Variants in DHX34 observed in about 807,000 individuals in gnomAD.
The protein encoded by DHX34 is probable ATP-dependent RNA helicase DHX34.
Under a neutral mutation model 111.1 loss-of-function variants are expected in DHX34, and 96 were observed. The ratio of observed to expected loss-of-function variants is 0.86; its 90% confidence interval spans 0.73 to 1.02. The LOEUF is 1.02. Ranked by LOEUF, DHX34 falls within the 50% of genes least tolerant of loss-of-function variation. The pLI is 0.00. For synonymous variants in DHX34, 688 were observed against 670.4 expected, an observed-to-expected ratio of 1.03 and a Z score of -0.41; for missense variants, 1,560 against 1,579.9, an observed-to-expected ratio of 0.99 and a Z score of 0.21.
chr19:47,379,080 GATTGCGCCATTGCATTCCA>G (rs1970262380), intron 13 of DHX34, among the ~76,000 whole-genome samples: 1 of 151,874 alleles, frequency 6.6e-6, no homozygotes. Flanking sequence ...AGTGAGCCAA[GATTGCGCCATTGCATTCCA>G]GCCTGGGCAA....
rs556613844 is a variant in DHX34 at position 47,367,171 on chromosome 19, C to T, written c.1768+16C>T. 44 of 1,466,976 alleles carry T rather than the reference C, an allele frequency of 3.0e-5. No individual in the cohort carries two copies. The Middle Eastern group carries it at 6.0e-4, about 20-fold the overall frequency. 90.9% of individuals were successfully genotyped at this position (1,466,976 alleles called of 1,614,324 possible). On this transcript the variant is annotated intron_variant, in intron 7 of 16. Coordinates refer to ENST00000328771, the MANE Select transcript of DHX34 (RefSeq NM_014681.6). ...GTTGTGATTGGTGAGTACCCACCCCCCTCCTGATCACTCAGGGCCCCAGGA... is the reference window on the plus strand; with the variant it reads ...GTTGTGATTGGTGAGTACCCACCCCTCTCCTGATCACTCAGGGCCCCAGGA...
In DHX34 at chr19:47,373,044, C is replaced by A. The variant is rs540917624; in HGVS notation, c.1962+121C>A. The A allele has an allele frequency of 2.3e-5, 30 of 1,309,064 alleles. No individual in the cohort carries two copies. In the South Asian group the frequency reaches 4.5e-4, roughly 20 times the overall value. The allele number at this position is 1,309,064 out of a possible 1,614,324, so 81.1% of individuals were successfully genotyped here. ...ACCCTGGGAGGACCACTGAGCCCCC[C>A]ACAGACTGGGCCTGCCTGGGGAGGG... On this transcript the variant is annotated intron_variant, in intron 8 of 16. Transcript: ENST00000328771.
chr19:47,362,314 A>C (rs1439482741), intron 5 of DHX34, 162 bp from the exon 6 acceptor site: 11 of 969,838 alleles, frequency 1.1e-5, no homozygotes, highest in Non-Finnish European at 1.3e-5. Flanking sequence ...ATGAAAGAAT[A>C]AATGAACAAA....
intron 12 of DHX34, 40 bp from the exon 13 acceptor site, chr19:47,377,060 G>A: frequency 6.2e-7 from 1 of 1,612,682 alleles, no homozygotes; most frequent in Non-Finnish European, 8.5e-7. Flanking sequence ...GGGCCTGGGT[G>A]GGCCAGGGTG....
chr19:47,362,473 C>T lies in DHX34; in HGVS notation c.1376-3C>T. On this transcript the variant is annotated splice_region_variant and splice_polypyrimidine_tract_variant and intron_variant, in intron 5 of 16. Transcript: ENST00000328771. ...ACTCCCTTTCCTCATTGCTCCCATC[C>T]AGGAAAGGTGAAGGAGATGAGCTAC... is the stretch of plus-strand genomic sequence containing the variant. 1 of 1,566,284 alleles carries T rather than the reference C, an allele frequency of 6.4e-7. No individual in the cohort carries two copies. The highest frequency in any genetic ancestry group is 8.7e-7 in the Non-Finnish European group (1 of 1,153,264).
chr19:47,377,734 G>A (rs181174471), intron 13 of DHX34, among the ~76,000 whole-genome samples: 5 of 142,464 alleles, frequency 3.5e-5, no homozygotes, highest in South Asian at 2.2e-4. Context: ...CCAGAGAGGC[G>A]AGGGAGACAG....
In DHX34 at chr19:47,358,094, G is replaced by A. The variant is rs146802153; in HGVS notation, c.1246G>A (p.Ala416Thr). ...CTGGGTGGTACTGCCACTGCACAGC[G>A]CCCTGTCTGTGGCCGACCAGGACAA... ...QRWVVLPLHS[A>T]LSVADQDKVF... The change falls in exon 4 of 17, where the codon GCC becomes ACC. Residue 416 changes from alanine to threonine, a missense_variant. Physicochemically the swap from Ala to Thr is moderately conservative, Grantham distance 58. Coordinates refer to ENST00000328771, the MANE Select transcript of DHX34 (RefSeq NM_014681.6). 701 of 1,609,792 alleles carry A rather than the reference G, an allele frequency of 4.4e-4. 2 individuals are homozygous for A. In the African/African-American group the frequency reaches 6.8e-3, roughly 16 times the overall value.
chr19:47,373,398 A>G (rs1970031666), intron 8 of DHX34: 1 of 854,226 alleles, frequency 1.2e-6, no homozygotes, highest in African/African-American at 1.8e-5. Flanking sequence ...GGGGGCTGGG[A>G]CAACCCAGCG....
chr19:47,371,482 G>T (rs1322271647), intron 7 of DHX34, among the ~76,000 whole-genome samples: 1 of 152,212 alleles, frequency 6.6e-6, no homozygotes, highest in Non-Finnish European at 1.5e-5. Context: ...TCACGGCGAG[G>T]TGGGGCCACT....
chr19:47,381,330 C>T lies in DHX34; in HGVS notation c.3298+6C>T. 2 of 1,611,858 alleles carry T rather than the reference C, an allele frequency of 1.2e-6. No homozygotes were observed. Among genetic ancestry groups the T allele is most frequent in the Non-Finnish European group, 1.7e-6 (2 of 1,178,702 alleles). On this transcript the variant is annotated splice_donor_region_variant and intron_variant, in intron 16 of 16. Transcript: ENST00000328771. ...CCCACAGGATGGGCCCCCAGGTAAG[C>T]ACAGGACTGTGGGGACCCGGCCACC...
chr19:47,375,884 T>A, intron 10 of DHX34, 40 bp from the exon 11 acceptor site: 1 of 1,555,662 alleles, frequency 6.4e-7, no homozygotes, highest in Non-Finnish European at 8.7e-7. Context: ...TAGGAGCCCC[T>A]CAGGTCCCCT....
rs762513967 is a variant in DHX34 at position 47,382,025 on chromosome 19, T to C, written c.3344T>C (p.Leu1115Pro). 1.8e-5 allele frequency: 29 copies of C among 1,613,994 alleles called. No individual in the cohort carries two copies. The East Asian group carries it at 6.5e-4, about 36-fold the overall frequency. ...GAAACCCTCCAGAAGACATCTGTCC[T>C]GCAGAGGCCCTACCACTGCGAGGCC... ...ALETLQKTSV[L>P]QRPYHCEACG... The change falls in exon 17 of 17, where the codon CTG (leucine) becomes CCG (proline). Residue 1115 changes from leucine to proline, a missense_variant. By Grantham distance (98) the Leu-to-Pro change is moderately conservative. Coordinates refer to ENST00000328771, the MANE Select transcript of DHX34 (RefSeq NM_014681.6).
chr19:47,351,992 C>T (rs1969301585), intron 1 of DHX34, among the ~76,000 whole-genome samples: 1 of 152,236 alleles, frequency 6.6e-6, no homozygotes, highest in Admixed American at 6.5e-5. Context: ...TCTCAATGTT[C>T]TGAATCTCAC....
chr19:47,382,231 T>A lies in DHX34; in HGVS notation c.*118T>A. ...GCTTAGCCCTGTGGTCCTGTCCCAGTGCAGAGGGCCTGGAGCACGGATTGT... is the reference window on the plus strand; with the variant it reads ...GCTTAGCCCTGTGGTCCTGTCCCAGAGCAGAGGGCCTGGAGCACGGATTGT... On this transcript the variant is annotated 3_prime_UTR_variant, in exon 17 of 17. Transcript: ENST00000328771. The A allele has an allele frequency of 6.8e-7, 1 of 1,478,396 alleles. No homozygotes were observed. The highest frequency in any genetic ancestry group is 9.0e-7 in the Non-Finnish European group (1 of 1,114,552). 91.6% of individuals were successfully genotyped at this position (1,478,396 alleles called of 1,614,324 possible). A position where few individuals can be genotyped will look rare whatever the true frequency, so the allele number is the denominator to read the frequency against.
At position 47,377,828 on chromosome 19, in the gene DHX34, C is replaced by T. The variant is rs576801484; in HGVS notation, c.2706+622C>T. On this transcript the variant is annotated intron_variant, in intron 13 of 16. Coordinates refer to ENST00000328771, the MANE Select transcript of DHX34 (RefSeq NM_014681.6). ...CAGGAGGGAGAGGAGGGTGCTGCCC[C>T]GGTGGAGGCTGAGGCCGAACTCAGA... is the stretch of plus-strand genomic sequence containing the variant. Among the ~76,000 whole-genome samples, 450 of 152,048 alleles carry T rather than the reference C, an allele frequency of 3.0e-3. 1 individual carries two copies. The highest frequency in any genetic ancestry group is 0.01 in the African/African-American group (416 of 41,526).
At chr19:47,371,618 A>G (rs1969968165) in intron 7 of DHX34, among the ~76,000 whole-genome samples, 1 of 152,052 alleles carries the variant, frequency 6.6e-6, no homozygotes, top group Non-Finnish European at 1.5e-5. Context: ...TTGGTTTTTG[A>G]GACGAAGTCT....
At chr19:47,365,834 C>A (rs926208524) in intron 6 of DHX34, among the ~76,000 whole-genome samples, 5 of 152,144 alleles carry the variant, frequency 3.3e-5, no homozygotes, top group Admixed American at 2.0e-4. Context: ...CTTAATTCTC[C>A]CACCATCTAC....
chr19:47,355,898 T>C (rs1969443814), intron 3 of DHX34, among the ~76,000 whole-genome samples: 1 of 151,856 alleles, frequency 6.6e-6, no homozygotes, highest in African/African-American at 2.4e-5. Context: ...TAAGAGAAGT[T>C]TATTTCTCTC....
rs370920209 is a variant in DHX34, at chr19:47,359,675, G to A, written c.1273-293G>A. 1.1e-4 allele frequency among the ~76,000 whole-genome samples: 17 copies of A among 152,168 alleles called. No individual in the cohort carries two copies. The South Asian group carries it at 3.3e-3, about 30-fold the overall frequency. ...CGGGCACCTGTAATCCCAGCTGCTC[G>A]GGAGGCTGAGGCAAGATAATTGCTT... On this transcript the variant is annotated intron_variant, in intron 4 of 16. Transcript: ENST00000328771.
Sources: gnomAD v4.1 joint callset for allele counts (sites outside exome capture counted in the v4.1 genomes callset) on GRCh38, gnomAD v4.1.1 for gene constraint, MANE v1.5 for transcripts, NCBI Gene and HGNC (gene_info 2026-07-23, HGNC 2026-07-21) for gene names.